METTL15: variants seen among roughly 807,000 people sequenced by gnomAD.
METTL15 encodes the protein 12S rRNA N(4)-cytidine methyltransferase METTL15.
In METTL15, 34 loss-of-function variants were observed where a neutral mutation model predicts 38.3. That is an observed-to-expected ratio of 0.89 (90% CI 0.68 to 1.18). The LOEUF is 1.18. METTL15 is among the 50% of genes most tolerant of loss of function. The pLI is 0.00. For synonymous variants in METTL15, 162 were observed against 170.9 expected (o/e 0.95, Z 0.41); for missense variants, 438 against 498.4 (o/e 0.88, Z 1.15).
chr11:28,166,699 C>A (rs1381232215), intron 3 of METTL15, among the ~76,000 whole-genome samples: 1 of 152,136 alleles, frequency 6.6e-6, no homozygotes, highest in African/African-American at 2.4e-5. Context: ...CCTGTAACCT[C>A]AGCACTTTGG....
intron 4 of METTL15, among the ~76,000 whole-genome samples, chr11:28,275,187 C>CA (rs1855795798): frequency 6.7e-6 from 1 of 149,774 alleles, no homozygotes; most frequent in Admixed American, 6.7e-5. Flanking sequence ...GTTGGTTCCT[C>CA]AAAAATATAA....
At chr11:28,117,825 G>T (rs771684484) in intron 3 of METTL15, among the ~76,000 whole-genome samples, 57 of 152,174 alleles carry the variant, frequency 3.7e-4, no homozygotes, top group Non-Finnish European at 6.8e-4. Flanking sequence ...GACAGGAAAG[G>T]TCTTCATTTT....
At chr11:28,236,570 G>A (rs181009971) in intron 4 of METTL15, among the ~76,000 whole-genome samples, 1 of 152,238 alleles carries the variant, frequency 6.6e-6, no homozygotes, top group Non-Finnish European at 1.5e-5. Context: ...GCCAGTCTCT[G>A]TCTCATAATT....
At chr11:28,125,075 T>C (rs1403510067) in intron 3 of METTL15, among the ~76,000 whole-genome samples, 1 of 152,024 alleles carries the variant, frequency 6.6e-6, no homozygotes, top group Non-Finnish European at 1.5e-5. Context: ...TTTCAGAAAA[T>C]TGAGATAACT....
In METTL15 at chr11:28,137,610, C is replaced by T. The variant is rs1849556630; in HGVS notation, c.270+24006C>T. On this transcript the variant is annotated intron_variant, in intron 3 of 6. Coordinates refer to ENST00000407364, the MANE Select transcript of METTL15 (RefSeq NM_001113528.2). Reference sequence around the variant, plus strand: ...TAAAGCAGGCAAGTCAAACAGTTCTCAAAAGCCAAAGAAGCAGTTTGTAAC... The same window carrying T: ...TAAAGCAGGCAAGTCAAACAGTTCTTAAAAGCCAAAGAAGCAGTTTGTAAC... 5.9e-5 allele frequency among the ~76,000 whole-genome samples: 9 copies of T among 152,288 alleles called. No individual in the cohort carries two copies. In the South Asian group the frequency reaches 1.9e-3, roughly 32 times the overall value.
In METTL15 at chr11:28,442,788, A is replaced by G. The variant is rs11030335; in HGVS notation, c.*424+18424A>G. Among the ~76,000 whole-genome samples, 505 of 152,296 alleles carry G rather than the reference A, an allele frequency of 3.3e-3. 2 individuals carry two copies. Among genetic ancestry groups the G allele is most frequent in the Middle Eastern group, 6.8e-3 (2 of 294 alleles). On this transcript the variant is annotated intron_variant and NMD_transcript_variant, in intron 6 of 7. Coordinates refer to the METTL15 transcript ENST00000532947. The stretch of plus-strand genomic sequence containing the variant: ...TTTACGTTGGTTTTCGGTTGAGGGA[A>G]AAAATAATATCCTGCTAATTCTTAC...
rs76636274 is a variant in METTL15, at chr11:28,109,969, C to T, written c.-253-197C>T. Among the ~76,000 whole-genome samples the T allele has an allele frequency of 9.2e-3, 1,396 of 152,306 alleles. 25 individuals are homozygous for T. Among genetic ancestry groups the T allele is most frequent in the Non-Finnish European group, 0.011 (720 of 68,028 alleles). ...AGAGCTAATGAGACAGAAATTCCCACTTTTAGTTAAAAATTGGAGTATAAC... is the reference window on the plus strand; with the variant it reads ...AGAGCTAATGAGACAGAAATTCCCATTTTTAGTTAAAAATTGGAGTATAAC... On this transcript the variant is annotated intron_variant, in intron 1 of 6. Coordinates refer to ENST00000407364, the MANE Select transcript of METTL15 (RefSeq NM_001113528.2).
At chr11:28,521,901 G>C (rs1851768286) in intron 6 of METTL15, among the ~76,000 whole-genome samples, 1 of 152,152 alleles carries the variant, frequency 6.6e-6, no homozygotes, top group Non-Finnish European at 1.5e-5. Flanking sequence ...GTAATGTGCT[G>C]TTCCTTGTAG....
intron 5 of METTL15, among the ~76,000 whole-genome samples, chr11:28,371,384 A>G (rs568563464): frequency 2.0e-5 from 3 of 152,010 alleles, no homozygotes; most frequent in African/African-American, 4.8e-5. Flanking sequence ...CCTTTGGTCT[A>G]TGTGTCTGTA....
chr11:28,126,477 C>G (rs116182436), intron 3 of METTL15, among the ~76,000 whole-genome samples: 1 of 151,896 alleles, frequency 6.6e-6, no homozygotes, highest in South Asian at 2.1e-4. Flanking sequence ...GTAGAAGATA[C>G]CCCATAAATA....
intron 5 of METTL15, among the ~76,000 whole-genome samples, chr11:28,370,719 T>C (rs1850235072): frequency 6.6e-6 from 1 of 152,032 alleles, no homozygotes; most frequent in Non-Finnish European, 1.5e-5. Context: ...CAGCATACAT[T>C]ATTCCCTGTC....
At chr11:28,288,597 G>C (rs1856383930) in intron 4 of METTL15, among the ~76,000 whole-genome samples, 1 of 152,078 alleles carries the variant, frequency 6.6e-6, no homozygotes, top group Non-Finnish European at 1.5e-5. Flanking sequence ...GTGGTTATAA[G>C]TGAGAACTAA....
intron 6 of METTL15, among the ~76,000 whole-genome samples, chr11:28,485,734 C>T (rs1851432868): frequency 6.6e-6 from 1 of 152,092 alleles, no homozygotes; most frequent in African/African-American, 2.4e-5. Context: ...CTCAGGTTGC[C>T]ATAACAAAAT....
chr11:28,136,181 CA>C (rs1206531585), intron 3 of METTL15, among the ~76,000 whole-genome samples: 3 of 152,144 alleles, frequency 2.0e-5, no homozygotes, highest in African/African-American at 7.2e-5. Context: ...ATTTCTGTAG[CA>C]ATATGGTTTG....
At chr11:28,341,055 C>T (rs962696098) in intron 3 of METTL15, among the ~76,000 whole-genome samples, 3 of 152,122 alleles carry the variant, frequency 2.0e-5, no homozygotes, top group Non-Finnish European at 4.4e-5. Context: ...TCATTCTCAG[C>T]AAACTAACAC....
At chr11:28,328,474 T>TAA (rs1420201843) in intron 6 of METTL15, among the ~76,000 whole-genome samples, 1 of 152,090 alleles carries the variant, frequency 6.6e-6, no homozygotes, top group African/African-American at 2.4e-5. Flanking sequence ...GCCAGCCTTG[T>TAA]ATAATTAACT....
chr11:28,392,911 A>G (rs906224194), intron 5 of METTL15, among the ~76,000 whole-genome samples: 4 of 152,178 alleles, frequency 2.6e-5, no homozygotes, highest in South Asian at 2.1e-4. Flanking sequence ...GATGTTGAAC[A>G]TCACTGATCA....
chr11:28,276,198 A>G (rs1372232749), intron 4 of METTL15, among the ~76,000 whole-genome samples: 2 of 152,160 alleles, frequency 1.3e-5, no homozygotes, highest in Non-Finnish European at 2.9e-5. Flanking sequence ...GGAACAAGCT[A>G]AAGACTCTGC....
intron 6 of METTL15, among the ~76,000 whole-genome samples, chr11:28,430,712 C>T (rs1397431785): frequency 3.4e-5 from 4 of 118,390 alleles, no homozygotes; most frequent in African/African-American, 1.3e-4. Context: ...GCCGCCCCGT[C>T]TGGGAGGGAG....
Sources: gnomAD v4.1 joint callset for allele counts (sites outside exome capture counted in the v4.1 genomes callset) on GRCh38, gnomAD v4.1.1 for gene constraint, MANE v1.5 for transcripts, NCBI Gene and HGNC (gene_info 2026-07-23, HGNC 2026-07-21) for gene names.